The following CSMD1 variants were observed in gnomAD, a reference collection of about 807,000 sequenced individuals.
CSMD1 encodes the protein CUB and Sushi multiple domains 1.
Under a neutral mutation model 417.5 loss-of-function variants are expected in CSMD1, and 213 were observed. The ratio of observed to expected loss-of-function variants is 0.51; its 90% CI spans 0.46 to 0.57. CSMD1 has a LOEUF of 0.57. Ranked by LOEUF, CSMD1 falls within the 20% of genes least tolerant of loss-of-function variation. The pLI is 0.00. For synonymous variants in CSMD1, 2,862 were observed against 1,736.8 expected (o/e 1.65, Z -16.11); for missense variants, 6,923 against 4,529.7 (o/e 1.53, Z -15.17).
chr8:4,820,970 A>G (rs917034839), intron 1 of CSMD1, among the ~76,000 whole-genome samples: 2 of 152,186 alleles, frequency 1.3e-5, no homozygotes, highest in African/African-American at 4.8e-5. Flanking sequence ...GTAGTGCTCA[A>G]AAATGGTAAG....
chr8:4,212,313 C>G (rs888363872), intron 3 of CSMD1, among the ~76,000 whole-genome samples: 1 of 151,880 alleles, frequency 6.6e-6, no homozygotes, highest in Non-Finnish European at 1.5e-5. Flanking sequence ...ACCTACCACC[C>G]AAATATGTAT....
chr8:4,309,055 A>G (rs60078666), intron 3 of CSMD1, among the ~76,000 whole-genome samples: 1 of 152,086 alleles, frequency 6.6e-6, no homozygotes, highest in Non-Finnish European at 1.5e-5. Flanking sequence ...CACCTATATT[A>G]CTTTTTATTA....
intron 2 of CSMD1, among the ~76,000 whole-genome samples, chr8:4,465,407 G>C (rs556583233): frequency 6.6e-6 from 1 of 152,250 alleles, no homozygotes; most frequent in South Asian, 2.1e-4. Context: ...ATTTCATCAT[G>C]CTGAAGGAGC....
chr8:4,682,184 G>A (rs1037245207), intron 1 of CSMD1, among the ~76,000 whole-genome samples: 1 of 151,950 alleles, frequency 6.6e-6, no homozygotes, highest in Non-Finnish European at 1.5e-5. Context: ...ACACCACCAT[G>A]CCTGGCTAAA....
intron 6 of CSMD1, among the ~76,000 whole-genome samples, chr8:3,719,164 C>A (rs1213822467): frequency 6.6e-6 from 1 of 152,124 alleles, no homozygotes; most frequent in African/African-American, 2.4e-5. Context: ...TACTTCGTTG[C>A]ATTAAAGTCT....
chr8:3,574,510 G>A (rs2116937566), intron 10 of CSMD1, among the ~76,000 whole-genome samples: 1 of 152,306 alleles, frequency 6.6e-6, no homozygotes, highest in East Asian at 1.9e-4. Flanking sequence ...GCCTCCCAAA[G>A]TGCTGGCATT....
chr8:3,714,386 A>G lies in CSMD1; in HGVS notation c.932-5895T>C, dbSNP rs576179588. On this transcript the variant is annotated intron_variant, in intron 6 of 69. Transcript: ENST00000635120. ...AGTATCACAGCAAATGGAATTTCCA[A>G]TTCCATCATATATATTAACTTACAT... 3.9e-4 allele frequency among the ~76,000 whole-genome samples: 59 copies of G among 150,824 alleles called. No individual in the cohort carries two copies. The South Asian group carries it at 0.012, about 32-fold the overall frequency.
chr8:2,965,772 A>T lies in CSMD1; in HGVS notation c.9280+3T>A, dbSNP rs1252068558. On this transcript the variant is annotated splice_donor_region_variant and intron_variant, in intron 59 of 69. Coordinates refer to ENST00000635120, the MANE Select transcript of CSMD1 (RefSeq NM_033225.6). ...GTAAAATCCAAAGAGTCACCAAACA[A>T]ACCTTTGCAGACAGGTTTGCTCGGA... The T allele has an allele frequency of 6.3e-7, 1 of 1,598,894 alleles. No homozygotes were observed. The highest frequency in any genetic ancestry group is 8.5e-7 in the Non-Finnish European group (1 of 1,171,920).
At chr8:3,170,876 G>A (rs1820542167) in intron 37 of CSMD1, among the ~76,000 whole-genome samples, 1 of 152,158 alleles carries the variant, frequency 6.6e-6, no homozygotes, top group African/African-American at 2.4e-5. Flanking sequence ...TACATCACAT[G>A]AAAAGAAACG....
At chr8:4,614,951 A>T (rs1801391997) in intron 2 of CSMD1, among the ~76,000 whole-genome samples, 1 of 152,176 alleles carries the variant, frequency 6.6e-6, no homozygotes, top group Non-Finnish European at 1.5e-5. Context: ...ATTTTCTATG[A>T]TTTGTCTGAA....
intron 3 of CSMD1, among the ~76,000 whole-genome samples, chr8:4,389,228 T>C (rs937980463): frequency 6.6e-6 from 1 of 152,168 alleles, no homozygotes; most frequent in African/African-American, 2.4e-5. Context: ...TAGCAATACT[T>C]TCTCTCCTCT....
chr8:3,829,430 C>T (rs771830011), intron 5 of CSMD1, among the ~76,000 whole-genome samples: 6 of 152,132 alleles, frequency 3.9e-5, no homozygotes, highest in Non-Finnish European at 7.4e-5. Flanking sequence ...TAAGTCAATA[C>T]CGGTTCCACA....
chr8:4,218,071 G>C (rs1014002045), intron 3 of CSMD1, among the ~76,000 whole-genome samples: 1 of 152,194 alleles, frequency 6.6e-6, no homozygotes, highest in Admixed American at 6.5e-5. Context: ...ACTGATGCCT[G>C]AGGTTGCAAT....
rs966995134 is a variant in CSMD1 at position 4,342,804 on chromosome 8, G to A, written c.415+77149C>T. ...CTCAAGGGACTTGGAAAGGTGGTTCGTTCCTGCCACAACATCGCAAAGAAA... is the reference window on the plus strand; with the variant it reads ...CTCAAGGGACTTGGAAAGGTGGTTCATTCCTGCCACAACATCGCAAAGAAA... On this transcript the variant is annotated intron_variant, in intron 3 of 69. Transcript: ENST00000635120. 6.6e-5 allele frequency among the ~76,000 whole-genome samples: 10 copies of A among 151,948 alleles called. No individual in the cohort carries two copies. The South Asian group carries it at 1.0e-3, about 16-fold the overall frequency.
intron 1 of CSMD1, among the ~76,000 whole-genome samples, chr8:4,684,323 T>G (rs11774239): frequency 0.085 from 12,909 of 152,276 alleles, 603 homozygotes; most frequent in Middle Eastern, 0.12. Context: ...GTTTTCTGTT[T>G]GTCCAACAAC....
In CSMD1 at chr8:4,483,805, G is replaced by C. The variant is rs146695144; in HGVS notation, c.303-63740C>G. 1.7e-3 allele frequency among the ~76,000 whole-genome samples: 259 copies of C among 152,238 alleles called. 3 individuals carry two copies. Among genetic ancestry groups the C allele is most frequent in the African/African-American group, 5.9e-3 (243 of 41,530 alleles). On this transcript the variant is annotated intron_variant, in intron 2 of 69. Coordinates refer to ENST00000635120, the MANE Select transcript of CSMD1 (RefSeq NM_033225.6). ...TTTAAAATTTTATTAATATGGGTTGGTTTGTGAAGGTTTCAAAAACTCTAG... is the reference window on the plus strand; with the variant it reads ...TTTAAAATTTTATTAATATGGGTTGCTTTGTGAAGGTTTCAAAAACTCTAG...
At chr8:4,294,317 C>T (rs921581381) in intron 3 of CSMD1, among the ~76,000 whole-genome samples, 4 of 152,164 alleles carry the variant, frequency 2.6e-5, no homozygotes, top group African/African-American at 9.6e-5. Flanking sequence ...ATAAATAATA[C>T]GTGCACTGAC....
chr8:3,301,897 G>T (rs1001795537), intron 25 of CSMD1, among the ~76,000 whole-genome samples: 1 of 152,202 alleles, frequency 6.6e-6, no homozygotes, highest in African/African-American at 2.4e-5. Flanking sequence ...GAAACATAAA[G>T]AGATGGAGAA....
intron 3 of CSMD1, among the ~76,000 whole-genome samples, chr8:4,097,290 A>G (rs1268753974): frequency 6.6e-6 from 1 of 152,220 alleles, no homozygotes; most frequent in Admixed American, 6.5e-5. Flanking sequence ...GCTCTGTCTT[A>G]TAAAATGGGT....
Sources: gnomAD v4.1 joint callset for allele counts (sites outside exome capture counted in the v4.1 genomes callset) on GRCh38, gnomAD v4.1.1 for gene constraint, MANE v1.5 for transcripts, NCBI Gene and HGNC (gene_info 2026-07-23, HGNC 2026-07-21) for gene names.